GPR158: variants seen among roughly 807,000 people sequenced by gnomAD.
GPR158 encodes G protein-coupled receptor 158.
GPR158 carries 30 observed loss-of-function variants against 78.2 expected under a neutral mutation model. The ratio of observed to expected loss-of-function variants is 0.38; its 90% confidence interval spans 0.29 to 0.52. The LOEUF is 0.52. Ranked by LOEUF, GPR158 falls within the 20% of genes least tolerant of loss-of-function variation. The pLI, the probability that GPR158 is intolerant of heterozygous loss-of-function variation, is 0.83. For missense variants in GPR158, 1,463 were observed against 1,523.5 expected (o/e 0.96, Z 0.66); for synonymous variants, 581 against 591.1 (o/e 0.98, Z 0.25).
chr10:25,437,327 G>A (rs1156445675), intron 4 of GPR158, among the ~76,000 whole-genome samples: 1 of 151,954 alleles, frequency 6.6e-6, no homozygotes, highest in East Asian at 1.9e-4. Context: ...CTGGGTTCAA[G>A]AGATCCTCCC....
intron 2 of GPR158, among the ~76,000 whole-genome samples, chr10:25,363,067 G>T (rs928769351): frequency 1.3e-5 from 2 of 151,494 alleles, no homozygotes; most frequent in Admixed American, 6.6e-5. Flanking sequence ...CTTTAAGCAG[G>T]TTCTGAAAAT....
chr10:25,439,096 A>C (rs1279932175), intron 4 of GPR158, among the ~76,000 whole-genome samples: 3 of 152,188 alleles, frequency 2.0e-5, no homozygotes, highest in Non-Finnish European at 2.9e-5. Context: ...CACATTACAG[A>C]AAAAGTCTTG....
chr10:25,299,649 G>C (rs932733067), intron 2 of GPR158, among the ~76,000 whole-genome samples: 1 of 151,982 alleles, frequency 6.6e-6, no homozygotes, highest in Non-Finnish European at 1.5e-5. Flanking sequence ...CTGACACTTA[G>C]ATAATTTTTG....
At chr10:25,505,554 A>G (rs1436009494) in intron 5 of GPR158, among the ~76,000 whole-genome samples, 1 of 152,156 alleles carries the variant, frequency 6.6e-6, no homozygotes, top group Non-Finnish European at 1.5e-5. Context: ...CAAAAACATG[A>G]GTTTGACTAG....
At position 25,182,318 on chromosome 10, in the gene GPR158, G is replaced by A. The variant is rs565748546; in HGVS notation, c.902+5996G>A. Among the ~76,000 whole-genome samples, 6 of 152,184 alleles carry A rather than the reference G, an allele frequency of 3.9e-5. No individual in the cohort carries two copies. The East Asian group carries it at 1.2e-3, about 29-fold the overall frequency. On this transcript the variant is annotated intron_variant, in intron 1 of 10. Coordinates refer to ENST00000376351, the MANE Select transcript of GPR158 (RefSeq NM_020752.3). ...TTCGTCGTAGATTTCTAGACCAAGG[G>A]CCTCAGTATACCTCTATAATTTCTC...
At chr10:25,531,136 AC>A (rs1358076754) in intron 5 of GPR158, among the ~76,000 whole-genome samples, 1 of 152,178 alleles carries the variant, frequency 6.6e-6, no homozygotes, top group Non-Finnish European at 1.5e-5. Flanking sequence ...TTTTTTTGGA[AC>A]CTTTAAGATA....
intron 4 of GPR158, among the ~76,000 whole-genome samples, chr10:25,424,465 A>T (rs1044646224): frequency 6.6e-6 from 1 of 151,586 alleles, no homozygotes; most frequent in Non-Finnish European, 1.5e-5. Context: ...GCCCATGCCT[A>T]TGTCCTGAAT....
In GPR158 at chr10:25,521,226, C is replaced by T. The variant is rs1027085958; in HGVS notation, c.1405-29750C>T. ...CAATGCCTCGCCCTGCTTCGGCTCG[C>T]GCACGGTGCACGCACCCACTGGCCT... On this transcript the variant is annotated intron_variant, in intron 5 of 10. Transcript: ENST00000376351. 6.6e-5 allele frequency among the ~76,000 whole-genome samples: 10 copies of T among 152,316 alleles called. No homozygotes were observed. The South Asian group carries it at 1.2e-3, about 19-fold the overall frequency.
At chr10:25,324,085 A>G (rs1426439467) in intron 2 of GPR158, among the ~76,000 whole-genome samples, 1 of 152,182 alleles carries the variant, frequency 6.6e-6, no homozygotes, top group Non-Finnish European at 1.5e-5. Context: ...AACTTTCTCC[A>G]TATCAGTGAT....
chr10:25,472,901 C>T (rs921354072), intron 5 of GPR158, among the ~76,000 whole-genome samples: 1 of 152,192 alleles, frequency 6.6e-6, no homozygotes, highest in African/African-American at 2.4e-5. Context: ...CATCTGGAAA[C>T]AGGGACAATT....
intron 4 of GPR158, among the ~76,000 whole-genome samples, chr10:25,430,493 G>C (rs4553274): frequency 0.69 from 98,578 of 142,344 alleles, 35,435 homozygotes; most frequent in Non-Finnish European, 0.8. Context: ...ACTTTCTTGA[G>C]AGAATTGGAA....
rs538763170 is a variant in GPR158 at position 25,240,766 on chromosome 10, A to G, written c.1008+19609A>G. ...AATATGCATATCAGAATTTAGTATC[A>G]ATAATTGATCAATCAGTAAATATCT... On this transcript the variant is annotated intron_variant, in intron 2 of 10. Transcript: ENST00000376351. 1.5e-4 allele frequency among the ~76,000 whole-genome samples: 23 copies of G among 152,346 alleles called. No homozygotes were observed. In the South Asian group the frequency reaches 1.7e-3, roughly 11 times the overall value.
At chr10:25,227,333 A>T (rs1344962531) in intron 2 of GPR158, among the ~76,000 whole-genome samples, 1 of 152,238 alleles carries the variant, frequency 6.6e-6, no homozygotes, top group Non-Finnish European at 1.5e-5. Context: ...ATTAAGTGAC[A>T]TTAAACTATT....
intron 4 of GPR158, among the ~76,000 whole-genome samples, chr10:25,442,261 T>G (rs1264024224): frequency 6.6e-6 from 1 of 152,160 alleles, no homozygotes; most frequent in Non-Finnish European, 1.5e-5. Context: ...CATGCTTGCC[T>G]GAAACTAAAT....
intron 5 of GPR158, among the ~76,000 whole-genome samples, chr10:25,521,039 C>A (rs1011215881): frequency 1.6e-4 from 24 of 152,338 alleles, no homozygotes; most frequent in African/African-American, 5.3e-4. Context: ...TAGGACCCTC[C>A]GAGCCAGGTG....
chr10:25,553,692 G>A (rs1836753827), intron 6 of GPR158, among the ~76,000 whole-genome samples: 1 of 152,100 alleles, frequency 6.6e-6, no homozygotes, highest in Non-Finnish European at 1.5e-5. Context: ...GCTGCAAAGG[G>A]TGGGTTTGGC....
At chr10:25,413,450 A>G (rs1220766380) in intron 4 of GPR158, among the ~76,000 whole-genome samples, 2 of 152,216 alleles carry the variant, frequency 1.3e-5, no homozygotes, top group Non-Finnish European at 2.9e-5. Flanking sequence ...CCACCCAATT[A>G]GTTATATGTA....
At chr10:25,322,826 T>C (rs908998651) in intron 2 of GPR158, among the ~76,000 whole-genome samples, 1 of 152,004 alleles carries the variant, frequency 6.6e-6, no homozygotes, top group Non-Finnish European at 1.5e-5. Context: ...GCAGTAGTAT[T>C]TTGAAATTGG....
chr10:25,272,946 A>G (rs1241013061), intron 2 of GPR158, among the ~76,000 whole-genome samples: 1 of 152,204 alleles, frequency 6.6e-6, no homozygotes, highest in Non-Finnish European at 1.5e-5. Context: ...TCAACATCAT[A>G]ATTTCATGGG....
Sources: allele counts gnomAD v4.1 joint callset (sites outside exome capture counted in the v4.1 genomes callset), GRCh38; gene constraint gnomAD v4.1.1; transcripts MANE v1.5; gene names NCBI Gene and HGNC (gene_info 2026-07-23, HGNC 2026-07-21).